Variants in MALRD1 observed in about 807,000 individuals in gnomAD.
The protein encoded by MALRD1 is MAM and LDL-receptor class A domain-containing protein 1.
MALRD1 carries 247 observed loss-of-function variants against 242.1 expected under a neutral mutation model. The observed-to-expected ratio is 1.02, with a 90% CI of 0.92 to 1.13. MALRD1 has a LOEUF of 1.13. Among genes scored for constraint, MALRD1 ranks in the 50% most tolerant of loss-of-function variants. The pLI is 0.00. For missense variants in MALRD1, 2,989 were observed against 2,533.1 expected (o/e 1.18, Z -3.86); for synonymous variants, 995 against 866.6 (o/e 1.15, Z -2.60).
intron 28 of MALRD1, among the ~76,000 whole-genome samples, chr10:19,392,701 G>C (rs916601674): frequency 6.6e-6 from 1 of 152,160 alleles, no homozygotes; most frequent in Non-Finnish European, 1.5e-5. Context: ...TGAATAATAA[G>C]AGGATCAAAA....
chr10:19,260,981 G>A (rs997038427), intron 19 of MALRD1, among the ~76,000 whole-genome samples: 1 of 152,178 alleles, frequency 6.6e-6, no homozygotes, highest in African/African-American at 2.4e-5. Flanking sequence ...GGATCGGACT[G>A]TGATTTTACC....
intron 18 of MALRD1, among the ~76,000 whole-genome samples, chr10:19,233,700 A>C (rs1045670595): frequency 2.0e-5 from 3 of 152,288 alleles, no homozygotes; most frequent in Non-Finnish European, 4.4e-5. Context: ...AATACAAAGC[A>C]TAGCATAATG....
chr10:19,325,761 C>G (rs539480893), intron 22 of MALRD1, among the ~76,000 whole-genome samples: 7 of 152,084 alleles, frequency 4.6e-5, no homozygotes, highest in Admixed American at 6.6e-5. Context: ...CTTTTAAATA[C>G]TATTAGCTTG....
chr10:19,339,055 C>T (rs1327079630), intron 24 of MALRD1, among the ~76,000 whole-genome samples: 1 of 150,110 alleles, frequency 6.7e-6, no homozygotes, highest in African/African-American at 2.5e-5. Context: ...CACACACACA[C>T]ATAAATACAC....
chr10:19,613,065 T>A lies in MALRD1; in HGVS notation c.6071-2792T>A, dbSNP rs146056695. Among the ~76,000 whole-genome samples the A allele has an allele frequency of 8.4e-4, 128 of 152,198 alleles. 1 individual carries two copies. In the Middle Eastern group the frequency reaches 0.024, roughly 28 times the overall value. On this transcript the variant is annotated intron_variant, in intron 35 of 39. Coordinates refer to ENST00000454679, the MANE Select transcript of MALRD1 (RefSeq NM_001142308.3). The stretch of plus-strand genomic sequence containing the variant: ...CTATTTTCTCACTATCCTTCATGAT[T>A]ATCATCATTTATCTGTTCTAGTAAA...
At chr10:19,276,179 T>G (rs1263531380) in intron 19 of MALRD1, among the ~76,000 whole-genome samples, 1 of 152,192 alleles carries the variant, frequency 6.6e-6, no homozygotes, top group African/African-American at 2.4e-5. Context: ...GACATCCTGC[T>G]TTGGTTAAAG....
At chr10:19,677,664 T>C (rs1044459811) in intron 36 of MALRD1, among the ~76,000 whole-genome samples, 11 of 152,186 alleles carry the variant, frequency 7.2e-5, no homozygotes, top group Admixed American at 6.5e-4. Context: ...AGAAGCTCTT[T>C]AGTATAATTA....
intron 26 of MALRD1, among the ~76,000 whole-genome samples, chr10:19,369,333 T>A (rs868770245): frequency 7.0e-4 from 103 of 146,732 alleles, no homozygotes; most frequent in Middle Eastern, 3.6e-3. Flanking sequence ...TATATAAATA[T>A]AAAATATGTA....
At chr10:19,101,265 A>C (rs1836240293) in intron 4 of MALRD1, among the ~76,000 whole-genome samples, 1 of 142,850 alleles carries the variant, frequency 7.0e-6, no homozygotes, top group African/African-American at 2.6e-5. Context: ...TATATATTCA[A>C]AATATATATA....
Position 19,469,338 on chromosome 10 carries a change from T to C in MALRD1, c.5029+18848T>C, listed in dbSNP as rs183877015. Among the ~76,000 whole-genome samples, 515 of 152,302 alleles carry C rather than the reference T, an allele frequency of 3.4e-3. 3 individuals are homozygous for C. The highest frequency in any genetic ancestry group is 0.01 in the African/African-American group (428 of 41,584). On this transcript the variant is annotated intron_variant, in intron 29 of 39. Transcript: ENST00000454679. ...TGCTAGAGGAAGTCACTACCATGTC[T>C]TTTATGATAATGATCTTCTTGACTT...
intron 2 of MALRD1, among the ~76,000 whole-genome samples, chr10:19,082,591 T>C (rs1224637780): frequency 6.6e-6 from 1 of 151,928 alleles, no homozygotes; most frequent in Admixed American, 6.6e-5. Flanking sequence ...ACATTGTGTA[T>C]TGATTGCTTT....
chr10:19,548,429 A>G lies in MALRD1; in HGVS notation c.5478+17078A>G, dbSNP rs190689222. On this transcript the variant is annotated intron_variant, in intron 32 of 39. Coordinates refer to ENST00000454679, the MANE Select transcript of MALRD1 (RefSeq NM_001142308.3). ...TTTTTGCCTATTAAATTAGTTATCTATTTTGAATGAAAATTAATTGCACGC... is the reference window on the plus strand; with the variant it reads ...TTTTTGCCTATTAAATTAGTTATCTGTTTTGAATGAAAATTAATTGCACGC... 1.8e-3 allele frequency among the ~76,000 whole-genome samples: 280 copies of G among 152,054 alleles called. 2 individuals are homozygous for G. The highest frequency in any genetic ancestry group is 6.5e-3 in the African/African-American group (270 of 41,480).
At chr10:19,166,653 A>G (rs1264116801) in intron 13 of MALRD1, among the ~76,000 whole-genome samples, 1 of 152,180 alleles carries the variant, frequency 6.6e-6, no homozygotes, top group Admixed American at 6.6e-5. Context: ...ATAGTGACAC[A>G]TTATATGCAT....
Position 19,531,301 on chromosome 10 carries a change from G to A in MALRD1, c.5428G>A (p.Val1810Ile). The part of the protein sequence containing the change: ...SFPASLGMCT[V>I]RFWFYMIDPR... ...CCCAGCAAGCCTTGGAATGTGTACT[G>A]TTCGGTTCTGGTTCTACATGATTGA... Residue 1810 changes from valine to isoleucine, a missense_variant, in exon 32 of 40, where the codon GTT (valine) becomes ATT (isoleucine). Val to Ile is a conservative substitution (Grantham distance 29). Transcript: ENST00000454679. 1.9e-6 allele frequency: 3 copies of A among 1,549,938 alleles called. No homozygotes were observed. The highest frequency in any genetic ancestry group is 2.6e-6 in the Non-Finnish European group (3 of 1,146,520).
intron 29 of MALRD1, among the ~76,000 whole-genome samples, chr10:19,484,264 G>T (rs1837145266): frequency 6.6e-6 from 1 of 152,120 alleles, no homozygotes; most frequent in African/African-American, 2.4e-5. Flanking sequence ...TGTGCCCTGT[G>T]AATCTAAAAT....
At chr10:19,056,979 G>T (rs753350254) in intron 1 of MALRD1, among the ~76,000 whole-genome samples, 1 of 152,114 alleles carries the variant, frequency 6.6e-6, no homozygotes, top group Non-Finnish European at 1.5e-5. Context: ...CACATTAATT[G>T]ATTTGCATAA....
chr10:19,584,354 G>A (rs1837285015), intron 33 of MALRD1, among the ~76,000 whole-genome samples: 3 of 152,000 alleles, frequency 2.0e-5, no homozygotes, highest in Non-Finnish European at 4.4e-5. Flanking sequence ...TTTCTCTTGT[G>A]GGCATTTAGT....
At chr10:19,657,046 A>G (rs1040509714) in intron 36 of MALRD1, among the ~76,000 whole-genome samples, 1 of 152,018 alleles carries the variant, frequency 6.6e-6, no homozygotes, top group South Asian at 2.1e-4. Context: ...ATGGTTTTGT[A>G]TCCTTCCCTC....
At chr10:19,441,030 T>G (rs1017705159) in intron 28 of MALRD1, among the ~76,000 whole-genome samples, 8 of 152,028 alleles carry the variant, frequency 5.3e-5, no homozygotes, top group African/African-American at 1.2e-4. Flanking sequence ...TTTAATGATC[T>G]CCATTCTAAC....
Sources: allele counts gnomAD v4.1 joint callset (sites outside exome capture counted in the v4.1 genomes callset), GRCh38; gene constraint gnomAD v4.1.1; transcripts MANE v1.5; gene names NCBI Gene and HGNC (gene_info 2026-07-23, HGNC 2026-07-21).